Variants in TEX36 observed in about 807,000 individuals in gnomAD.
The protein encoded by TEX36 is testis-expressed protein 36.
In TEX36, 12 loss-of-function variants were observed where a neutral mutation model predicts 13.6. The ratio of observed to expected loss-of-function variants is 0.88; its 90% CI spans 0.56 to 1.43. The LOEUF is 1.43. Among genes scored for constraint, TEX36 ranks in the 40% most tolerant of loss-of-function variants. The probability of loss-of-function intolerance (pLI) is 0.00; values close to 1 mark genes in which losing one functional copy is unlikely to be tolerated. For missense variants in TEX36, 224 were observed against 228.3 expected, an observed-to-expected ratio of 0.98 and a Z score of 0.12; for synonymous variants, 93 against 83.0, an observed-to-expected ratio of 1.12 and a Z score of -0.65.
At chr10:125,634,047 G>A (rs1846594155) in intron 3 of TEX36, among the ~76,000 whole-genome samples, 1 of 152,082 alleles carries the variant, frequency 6.6e-6, no homozygotes, top group East Asian at 1.9e-4. Context: ...TTTTGGAGCA[G>A]GGAGGTTGTT....
chr10:125,660,554 A>G (rs564084071), intron 3 of TEX36, among the ~76,000 whole-genome samples: 2 of 152,360 alleles, frequency 1.3e-5, no homozygotes, highest in South Asian at 4.1e-4. Context: ...CCACCACTGT[A>G]TCAGACTTCA....
chr10:125,649,213 C>T (rs1239014458), intron 3 of TEX36, among the ~76,000 whole-genome samples: 1 of 152,068 alleles, frequency 6.6e-6, no homozygotes, highest in Non-Finnish European at 1.5e-5. Flanking sequence ...TCAGATTCAC[C>T]AAAGTTGAAA....
intron 2 of TEX36, 145 bp downstream of exon 2, chr10:125,661,700 TG>T: frequency 9.9e-7 from 1 of 1,010,400 alleles, no homozygotes; most frequent in Non-Finnish European, 1.4e-6. Context: ...GGGTATGGGG[TG>T]GGGATACTAC....
chr10:125,577,693 T>G (rs868709363), intron 3 of TEX36, among the ~76,000 whole-genome samples: 32 of 152,368 alleles, frequency 2.1e-4, no homozygotes, highest in Middle Eastern at 3.4e-3. Flanking sequence ...AGTCCTGCCA[T>G]ATTGTATAGA....
At chr10:125,607,579 C>T (rs1417161196) in intron 3 of TEX36, among the ~76,000 whole-genome samples, 1 of 152,142 alleles carries the variant, frequency 6.6e-6, no homozygotes, top group Non-Finnish European at 1.5e-5. Context: ...TATTGTTGAA[C>T]CACTGAGCTC....
intron 3 of TEX36, among the ~76,000 whole-genome samples, chr10:125,589,843 T>C (rs1846000942): frequency 6.6e-6 from 1 of 152,216 alleles, no homozygotes; most frequent in Non-Finnish European, 1.5e-5. Context: ...AATAATATTG[T>C]CTGATGAAGA....
chr10:125,652,172 G>A (rs1846870537), downstream of TEX36, among the ~76,000 whole-genome samples: 1 of 152,176 alleles, frequency 6.6e-6, no homozygotes, highest in Admixed American at 6.5e-5. Context: ...CCAAAAAAGA[G>A]CCCATATTGC....
chr10:125,666,602 G>A (rs1037200807), intron 1 of TEX36, among the ~76,000 whole-genome samples: 2 of 152,132 alleles, frequency 1.3e-5, no homozygotes, highest in African/African-American at 2.4e-5. Context: ...TAGTTTGCTG[G>A]TATTTTGTTG....
In TEX36 at chr10:125,607,364, T is replaced by C. The variant is rs1457207753; in HGVS notation, c.265-30490A>G. 2.0e-5 allele frequency among the ~76,000 whole-genome samples: 3 copies of C among 152,246 alleles called. No individual in the cohort carries two copies. The East Asian group carries it at 5.8e-4, about 29-fold the overall frequency. On this transcript the variant is annotated intron_variant, in intron 3 of 3. Transcript: ENST00000532135. The stretch of plus-strand genomic sequence containing the variant: ...TTTATCCAAAAGGTCTATTTTGTCA[T>C]TTTAAAGTCAGGGATTATGAAAGAG...
chr10:125,642,134 G>A (rs545382050), intron 3 of TEX36, among the ~76,000 whole-genome samples: 12 of 152,312 alleles, frequency 7.9e-5, no homozygotes, highest in Admixed American at 5.9e-4. Flanking sequence ...AGAGAAAGGA[G>A]AGAAGAGGCA....
rs141833995 is a variant in TEX36, at chr10:125,666,761, C to T, written c.52-4784G>A. The T allele has an allele frequency of 2.5e-3, 557 of 226,126 alleles. 1 individual carries two copies. The highest frequency in any genetic ancestry group is 3.0e-3 in the Non-Finnish European group (340 of 114,934). The allele number at this position is 226,126 out of a possible 1,614,324, so 14.0% of individuals were successfully genotyped here. A position where few individuals can be genotyped will look rare whatever the true frequency, so the allele number is the denominator to read the frequency against. On this transcript the variant is annotated intron_variant, in intron 1 of 3. Coordinates refer to ENST00000368821, the MANE Select transcript of TEX36 (RefSeq NM_001128202.3). Reference sequence around the variant, plus strand: ...CAGACGACACCACACACCACTGTCACGAGGGAGGCAAGAGCACGGGCAAGC... The same window carrying T: ...CAGACGACACCACACACCACTGTCATGAGGGAGGCAAGAGCACGGGCAAGC...
At chr10:125,619,638 C>T (rs950681940), downstream of TEX36, among the ~76,000 whole-genome samples, 1 of 152,146 alleles carries the variant, frequency 6.6e-6, no homozygotes, top group Non-Finnish European at 1.5e-5. Flanking sequence ...GCAACCTCCG[C>T]CTCCCGGGTC....
intron 3 of TEX36, among the ~76,000 whole-genome samples, chr10:125,636,859 A>C (rs1212395411): frequency 1.3e-5 from 2 of 152,166 alleles, no homozygotes; most frequent in African/African-American, 4.8e-5. Flanking sequence ...AATGTGGTAG[A>C]GTAGATTTCT....
At chr10:125,596,332 G>A (rs183943953) in intron 3 of TEX36, among the ~76,000 whole-genome samples, 3 of 152,304 alleles carry the variant, frequency 2.0e-5, no homozygotes, top group Admixed American at 2.0e-4. Flanking sequence ...GAGATGTAAG[G>A]CTAGAAATAG....
In TEX36 at chr10:125,629,221, G is replaced by A. The variant is rs114484625; in HGVS notation, c.265-7576C>T. On this transcript the variant is annotated intron_variant, in intron 3 of 3. Transcript: ENST00000526819. ...TCACAAAAAAAGGACTGACTGTGTG[G>A]TGTGCAAGGAGCACCCTGTGATAGA... Among the ~76,000 whole-genome samples the A allele has an allele frequency of 2.3e-3, 345 of 152,308 alleles. 3 individuals carry two copies. The highest frequency in any genetic ancestry group is 7.7e-3 in the African/African-American group (322 of 41,558).
At position 125,677,552 on chromosome 10, in the gene TEX36, G is replaced by T. The variant is rs571411574; in HGVS notation, c.51+5387C>A. On this transcript the variant is annotated intron_variant, in intron 1 of 3. Transcript: ENST00000368821. ...TCTTCAATTTCAGAATTTCTATTTG[G>T]TTCTTTTCTTTTCTAAATATCTTTC... Among the ~76,000 whole-genome samples, 6 of 151,932 alleles carry T rather than the reference G, an allele frequency of 3.9e-5. No individual in the cohort carries two copies. The East Asian group carries it at 1.2e-3, about 29-fold the overall frequency.
At chr10:125,596,256 C>G (rs1589746561) in intron 3 of TEX36, among the ~76,000 whole-genome samples, 1 of 151,856 alleles carries the variant, frequency 6.6e-6, no homozygotes, top group Non-Finnish European at 1.5e-5. Flanking sequence ...TCTGGATTAT[C>G]AAGATGGGCC....
intron 3 of TEX36, chr10:125,621,739 G>T (rs1846431655): frequency 2.3e-6 from 1 of 444,016 alleles, no homozygotes; most frequent in Non-Finnish European, 4.5e-6. Context: ...TGTGGCCAAA[G>T]GCCCAAGAGC....
intron 3 of TEX36, among the ~76,000 whole-genome samples, chr10:125,627,260 AT>A (rs1846500208): frequency 6.6e-6 from 1 of 152,246 alleles, no homozygotes; most frequent in South Asian, 2.1e-4. Flanking sequence ...TTCAGAACAT[AT>A]CTGGATAGAA....
Sources: allele counts gnomAD v4.1 joint callset (sites outside exome capture counted in the v4.1 genomes callset), GRCh38; gene constraint gnomAD v4.1.1; transcripts MANE v1.5; gene names NCBI Gene and HGNC (gene_info 2026-07-23, HGNC 2026-07-21).